OPCML: variants seen among roughly 807,000 people sequenced by gnomAD.
OPCML encodes opioid-binding protein/cell adhesion molecule.
In OPCML, 13 loss-of-function variants were observed where a neutral mutation model predicts 37.8. The observed-to-expected ratio is 0.34, with a 90% CI of 0.22 to 0.55. The LOEUF (loss-of-function observed/expected upper bound fraction) is 0.55, where lower values mean the gene tolerates loss of function less well. OPCML is among the 20% of genes least tolerant of loss of function. OPCML has a pLI of 0.91. For synonymous variants in OPCML, 176 were observed against 168.8 expected, an observed-to-expected ratio of 1.04 and a Z score of -0.33; for missense variants, 341 against 435.6, an observed-to-expected ratio of 0.78 and a Z score of 1.93.
intron 2 of OPCML, among the ~76,000 whole-genome samples, chr11:132,823,318 C>A (rs1357577633): frequency 6.6e-6 from 1 of 152,140 alleles, no homozygotes; most frequent in African/African-American, 2.4e-5. Context: ...TGGGGGACAA[C>A]CTCTTCTTCC....
At chr11:133,378,666 CT>C (rs1472581107) in intron 1 of OPCML, among the ~76,000 whole-genome samples, 1 of 150,988 alleles carries the variant, frequency 6.6e-6, no homozygotes, top group Non-Finnish European at 1.5e-5. Flanking sequence ...TCTTTTCTTT[CT>C]TTCTTTTCTT....
chr11:133,070,453 G>A (rs1006280592), intron 1 of OPCML, among the ~76,000 whole-genome samples: 5 of 152,158 alleles, frequency 3.3e-5, no homozygotes, highest in African/African-American at 4.8e-5. Flanking sequence ...CATCGCCTGG[G>A]AGAAAGTGAA....
At chr11:133,034,657 C>G (rs893865732) in intron 1 of OPCML, among the ~76,000 whole-genome samples, 3 of 151,984 alleles carry the variant, frequency 2.0e-5, no homozygotes, top group African/African-American at 7.3e-5. Context: ...ACTACAGTAC[C>G]TTCCTCCAAG....
At chr11:133,395,906 C>T (rs1198187047) in intron 1 of OPCML, among the ~76,000 whole-genome samples, 1 of 152,088 alleles carries the variant, frequency 6.6e-6, no homozygotes, top group Non-Finnish European at 1.5e-5. Flanking sequence ...ATTGTTTTTG[C>T]TATTTCTGTG....
chr11:133,443,182 T>C (rs1946399541), intron 1 of OPCML, among the ~76,000 whole-genome samples: 1 of 152,158 alleles, frequency 6.6e-6, no homozygotes, highest in Non-Finnish European at 1.5e-5. Flanking sequence ...GGGATACCCA[T>C]CTGGGAAATA....
chr11:132,526,592 A>T (rs1169762420), intron 4 of OPCML, among the ~76,000 whole-genome samples: 2 of 152,176 alleles, frequency 1.3e-5, no homozygotes, highest in African/African-American at 4.8e-5. Context: ...TCAGTCCACA[A>T]AGTAAAAAGC....
intron 2 of OPCML, among the ~76,000 whole-genome samples, chr11:132,756,676 C>T (rs992575834): frequency 6.6e-6 from 1 of 152,120 alleles, no homozygotes. Context: ...AATGAGGCTC[C>T]AAAATATTGG....
chr11:133,318,775 G>A (rs543786247), intron 1 of OPCML, among the ~76,000 whole-genome samples: 4 of 152,256 alleles, frequency 2.6e-5, no homozygotes, highest in African/African-American at 7.2e-5. Context: ...AGTGGTTCAC[G>A]CCTGTAATCT....
At chr11:132,594,355 G>A (rs1307353069) in intron 3 of OPCML, among the ~76,000 whole-genome samples, 2 of 152,122 alleles carry the variant, frequency 1.3e-5, no homozygotes, top group South Asian at 2.1e-4. Context: ...ATTGCTATCC[G>A]ATGCTGTCAA....
chr11:132,999,819 A>G (rs563586744), intron 1 of OPCML, among the ~76,000 whole-genome samples: 1 of 152,220 alleles, frequency 6.6e-6, no homozygotes, highest in Non-Finnish European at 1.5e-5. Flanking sequence ...AACGTTGTGG[A>G]AAGGCGACAG....
At chr11:133,184,761 A>G (rs78113780) in intron 1 of OPCML, among the ~76,000 whole-genome samples, 2,146 of 152,312 alleles carry the variant, frequency 0.014, 18 homozygotes, top group Non-Finnish European at 0.021. Context: ...ATTTCAACAA[A>G]TATGTTTTAA....
At chr11:132,577,001 A>G (rs2096452552) in intron 3 of OPCML, among the ~76,000 whole-genome samples, 1 of 152,190 alleles carries the variant, frequency 6.6e-6, no homozygotes, top group African/African-American at 2.4e-5. Flanking sequence ...TGCTGGATGC[A>G]CAAACCATCC....
intron 1 of OPCML, among the ~76,000 whole-genome samples, chr11:133,140,916 A>T (rs868484240): frequency 6.2e-5 from 1 of 16,238 alleles, no homozygotes; most frequent in Non-Finnish European, 1.7e-4. Flanking sequence ...ACGAAGAAGA[A>T]GAAGACGACG....
At position 133,463,193 on chromosome 11, in the gene OPCML, A is replaced by T. The variant is rs868104471; in HGVS notation, c.61+69071T>A. ...TTAAAAAAACAAAAAAAAAAATAGAAAGAAAATAAATGAAGAGGTAAAAAG... is the reference window on the plus strand; with the variant it reads ...TTAAAAAAACAAAAAAAAAAATAGATAGAAAATAAATGAAGAGGTAAAAAG... On this transcript the variant is annotated intron_variant, in intron 1 of 7. Transcript: ENST00000524381. Among the ~76,000 whole-genome samples the T allele has an allele frequency of 6.6e-5, 10 of 152,080 alleles. No individual in the cohort carries two copies. The South Asian group carries it at 1.9e-3, about 28-fold the overall frequency.
At chr11:132,615,540 T>C (rs546583242) in intron 3 of OPCML, among the ~76,000 whole-genome samples, 13 of 152,110 alleles carry the variant, frequency 8.5e-5, no homozygotes, top group African/African-American at 2.7e-4. Flanking sequence ...ATAGCAAAAA[T>C]ATAAAACTAC....
chr11:132,680,444 A>G (rs1322745706), intron 2 of OPCML, among the ~76,000 whole-genome samples: 1 of 152,172 alleles, frequency 6.6e-6, no homozygotes, highest in Non-Finnish European at 1.5e-5. Flanking sequence ...CCACATAGGC[A>G]GTTGTTCCCT....
At chr11:132,911,913 GCA>G (rs1338205634) in intron 2 of OPCML, among the ~76,000 whole-genome samples, 2 of 152,172 alleles carry the variant, frequency 1.3e-5, no homozygotes, top group Admixed American at 6.5e-5. Flanking sequence ...GATTCAGAAT[GCA>G]CAGAGCTGGA....
At chr11:133,163,289 G>A (rs554708949) in intron 1 of OPCML, among the ~76,000 whole-genome samples, 2 of 152,282 alleles carry the variant, frequency 1.3e-5, no homozygotes, top group South Asian at 4.1e-4. Context: ...AACATTCCGA[G>A]ACTCTGTGGA....
intron 4 of OPCML, among the ~76,000 whole-genome samples, chr11:132,462,839 A>G (rs2096107274): frequency 6.6e-6 from 1 of 152,182 alleles, no homozygotes; most frequent in Non-Finnish European, 1.5e-5. Flanking sequence ...GCAACACTCA[A>G]GTTTGTATCT....
Sources: gnomAD v4.1 joint callset for allele counts (sites outside exome capture counted in the v4.1 genomes callset) on GRCh38, gnomAD v4.1.1 for gene constraint, MANE v1.5 for transcripts, NCBI Gene and HGNC (gene_info 2026-07-23, HGNC 2026-07-21) for gene names.